CCSER2: variants seen among roughly 807,000 people sequenced by gnomAD.
CCSER2 encodes the protein coiled-coil serine rich protein 2.
In CCSER2, 46 loss-of-function variants were observed where a neutral mutation model predicts 92.3. The observed-to-expected ratio is 0.50, with a 90% CI of 0.39 to 0.64. The LOEUF is 0.64. Among genes scored for constraint, CCSER2 ranks in the 30% least tolerant of loss-of-function variants. The pLI is 0.00. For synonymous variants in CCSER2, 433 were observed against 431.4 expected, an observed-to-expected ratio of 1.00 and a Z score of -0.04; for missense variants, 1,244 against 1,238.9, an observed-to-expected ratio of 1.00 and a Z score of -0.06.
intron 6 of CCSER2, among the ~76,000 whole-genome samples, chr10:84,446,386 C>T (rs1844916629): frequency 6.6e-6 from 1 of 152,042 alleles, no homozygotes; most frequent in African/African-American, 2.4e-5. Flanking sequence ...TAATTTTTCC[C>T]TCACATAATT....
intron 6 of CCSER2, among the ~76,000 whole-genome samples, chr10:84,459,672 C>A (rs534837983): frequency 9.2e-5 from 14 of 152,042 alleles, no homozygotes; most frequent in African/African-American, 3.4e-4. Context: ...ACAGGTGCAT[C>A]CCACCACACC....
chr10:84,385,632 C>A (rs147607455), intron 3 of CCSER2, among the ~76,000 whole-genome samples: 1 of 152,000 alleles, frequency 6.6e-6, no homozygotes, highest in African/African-American at 2.4e-5. Flanking sequence ...AATGTAAGAT[C>A]GAAAACTATA....
At position 84,477,595 on chromosome 10, in the gene CCSER2, C is replaced by G. The variant is rs770731233; in HGVS notation, c.2256C>G (p.His752Gln). Residue 752 changes from histidine (H) to glutamine (Q), a missense_variant, in exon 9 of 10, where the codon CAC becomes CAG. His to Gln is a conservative substitution (Grantham distance 24). Coordinates refer to ENST00000372088, the MANE Select transcript of CCSER2 (RefSeq NM_001284240.2). ...ELQLATQHICHQKCKEEKCTY... is the reference protein window; with the variant it reads ...ELQLATQHICQQKCKEEKCTY... ...TTTAGGCAACTCAGCATATCTGCCA[C>G]CAAAAATGTAAAGAGGAAAAATGCA... is the stretch of plus-strand genomic sequence containing the variant. 2 of 1,611,252 alleles carry G rather than the reference C, an allele frequency of 1.2e-6. No individual in the cohort carries two copies. The highest frequency in any genetic ancestry group is 1.7e-6 in the Non-Finnish European group (2 of 1,178,084).
intron 9 of CCSER2, among the ~76,000 whole-genome samples, chr10:84,501,595 T>G (rs1188796): frequency 0.85 from 128,211 of 150,826 alleles, 54,584 homozygotes; most frequent in Admixed American, 0.87. Context: ...TTTTCCTTGA[T>G]TCAGTGGCTC....
chr10:84,420,209 GA>G (rs1843072195), intron 4 of CCSER2, among the ~76,000 whole-genome samples: 1 of 152,206 alleles, frequency 6.6e-6, no homozygotes, highest in Admixed American at 6.5e-5. Flanking sequence ...GATAAAAGTA[GA>G]ATCACAGGGA....
intron 3 of CCSER2, among the ~76,000 whole-genome samples, chr10:84,388,933 T>C (rs895153120): frequency 6.6e-6 from 1 of 152,196 alleles, no homozygotes; most frequent in Non-Finnish European, 1.5e-5. Flanking sequence ...AGACTGGTAC[T>C]GGTCCATGGC....
rs111849086 is a variant in CCSER2 at position 84,492,386 on chromosome 10, G to C, written c.2325+14722G>C. 2.8e-3 allele frequency among the ~76,000 whole-genome samples: 411 copies of C among 149,018 alleles called. 1 individual carries two copies. Among genetic ancestry groups the C allele is most frequent in the African/African-American group, 9.2e-3 (380 of 41,292 alleles). ...TTGGAGAGTTTTTCTGTAGTTTGGG[G>C]TTTTCTATGTTGACCATTATGTCAT... On this transcript the variant is annotated intron_variant, in intron 9 of 9. Coordinates refer to ENST00000372088, the MANE Select transcript of CCSER2 (RefSeq NM_001284240.2).
At chr10:84,336,687 T>C (rs1166890728) in intron 1 of CCSER2, among the ~76,000 whole-genome samples, 1 of 152,168 alleles carries the variant, frequency 6.6e-6, no homozygotes, top group Admixed American at 6.5e-5. Context: ...TGGGGGGATA[T>C]GCCTGATCAT....
intron 1 of CCSER2, among the ~76,000 whole-genome samples, chr10:84,336,525 T>A (rs940041334): frequency 1.3e-5 from 2 of 152,136 alleles, no homozygotes; most frequent in African/African-American, 4.8e-5. Context: ...TATGCAGATA[T>A]TAGGAGAGAG....
chr10:84,398,856 G>T (rs1022912169), intron 3 of CCSER2, among the ~76,000 whole-genome samples: 3 of 151,954 alleles, frequency 2.0e-5, no homozygotes. Context: ...ACAGAGCCTT[G>T]TTCTGTTTTC....
chr10:84,428,921 G>T (rs1382725529), intron 5 of CCSER2, among the ~76,000 whole-genome samples: 2 of 150,328 alleles, frequency 1.3e-5, no homozygotes, highest in African/African-American at 4.9e-5. Flanking sequence ...TGCGTGTTGT[G>T]TTGGTATGTT....
intron 6 of CCSER2, among the ~76,000 whole-genome samples, chr10:84,447,573 T>C (rs1845002304): frequency 6.6e-6 from 1 of 152,220 alleles, no homozygotes; most frequent in African/African-American, 2.4e-5. Flanking sequence ...TTTTTCTTTG[T>C]GGTTTGCACT....
At chr10:84,478,772 G>C (rs1847298109) in intron 9 of CCSER2, among the ~76,000 whole-genome samples, 1 of 152,160 alleles carries the variant, frequency 6.6e-6, no homozygotes, top group African/African-American at 2.4e-5. Flanking sequence ...AAGTCTATAA[G>C]GTTCAAAGGA....
At chr10:84,510,028 T>G (rs1433922854) in intron 9 of CCSER2, among the ~76,000 whole-genome samples, 3 of 152,152 alleles carry the variant, frequency 2.0e-5, no homozygotes, top group Non-Finnish European at 2.9e-5. Flanking sequence ...ACACACACAT[T>G]AGATATTCTG....
chr10:84,422,586 C>T (rs1232169720), intron 4 of CCSER2, among the ~76,000 whole-genome samples: 1 of 152,170 alleles, frequency 6.6e-6, no homozygotes, highest in African/African-American at 2.4e-5. Context: ...CCCAGTCTCA[C>T]CTGCATCTGC....
rs189405895 is a variant in CCSER2 at position 84,448,110 on chromosome 10, T to G, written c.2064+9403T>G. Among the ~76,000 whole-genome samples, 12 of 152,164 alleles carry G rather than the reference T, an allele frequency of 7.9e-5. No homozygotes were observed. The East Asian group carries it at 1.7e-3, about 22-fold the overall frequency. Reference sequence around the variant, plus strand: ...CAATCCCCATCTCCAGATGGACGCCTTCTCACTCTGCTTGGCCTGACACTG... The same window carrying G: ...CAATCCCCATCTCCAGATGGACGCCGTCTCACTCTGCTTGGCCTGACACTG... On this transcript the variant is annotated intron_variant, in intron 6 of 9. Transcript: ENST00000372088.
intron 9 of CCSER2, among the ~76,000 whole-genome samples, chr10:84,483,285 C>T (rs1020985647): frequency 1.1e-4 from 17 of 151,028 alleles, no homozygotes; most frequent in African/African-American, 3.7e-4. Flanking sequence ...CCGAGCTACT[C>T]GGGAGGCTGA....
chr10:84,333,981 T>A (rs887602943), intron 1 of CCSER2, among the ~76,000 whole-genome samples: 1 of 152,104 alleles, frequency 6.6e-6, no homozygotes, highest in Non-Finnish European at 1.5e-5. Flanking sequence ...GATGAAATAA[T>A]ACAGAAAGGT....
intron 1 of CCSER2, among the ~76,000 whole-genome samples, chr10:84,337,647 A>T (rs569650971): frequency 6.6e-6 from 1 of 152,284 alleles, no homozygotes; most frequent in South Asian, 2.1e-4. Flanking sequence ...TAAAAGATGG[A>T]TGCTCTTCTT....
Sources: gnomAD v4.1 joint callset for allele counts (sites outside exome capture counted in the v4.1 genomes callset) on GRCh38, gnomAD v4.1.1 for gene constraint, MANE v1.5 for transcripts, NCBI Gene and HGNC (gene_info 2026-07-23, HGNC 2026-07-21) for gene names.